ADAM19: variants seen among roughly 807,000 people sequenced by gnomAD.
ADAM19 encodes ADAM metallopeptidase domain 19.
ADAM19 carries 65 observed loss-of-function variants against 114.7 expected under a neutral mutation model. That is an observed-to-expected ratio of 0.57 (90% CI 0.46 to 0.70). ADAM19 has a LOEUF of 0.70. Ranked by LOEUF, ADAM19 falls within the 30% of genes least tolerant of loss-of-function variation. The probability of loss-of-function intolerance (pLI) is 0.00; values close to 1 mark genes in which losing one functional copy is unlikely to be tolerated. For missense variants in ADAM19, 1,063 were observed against 1,204.7 expected, an observed-to-expected ratio of 0.88 and a Z score of 1.74; for synonymous variants, 466 against 460.5, an observed-to-expected ratio of 1.01 and a Z score of -0.15.
rs909516529 is a variant in ADAM19 at position 157,480,291 on chromosome 5, C to A, written c.*658G>T. The A allele has an allele frequency of 1.0e-6, 1 of 985,862 alleles. No individual in the cohort carries two copies. Among genetic ancestry groups the A allele is most frequent in the African/African-American group, 1.7e-5 (1 of 57,252 alleles). The allele number at this position is 985,862 out of a possible 1,614,324, so 61.1% of individuals were successfully genotyped here. The stretch of plus-strand genomic sequence containing the variant: ...GGTGCTCCTCCTGCTGTCTACACTG[C>A]CTACGAATAGTACCTGTCTGAGTCA... On this transcript the variant is annotated 3_prime_UTR_variant, in exon 23 of 23. Coordinates refer to ENST00000257527, the MANE Select transcript of ADAM19 (RefSeq NM_033274.5).
intron 4 of ADAM19, among the ~76,000 whole-genome samples, chr5:157,531,245 G>C (rs1320597609): frequency 2.0e-5 from 3 of 152,166 alleles, no homozygotes; most frequent in Non-Finnish European, 4.4e-5. Context: ...GAAAGAACTT[G>C]CCTCCCCACC....
At chr5:157,542,005 T>A (rs1756931312) in intron 3 of ADAM19, among the ~76,000 whole-genome samples, 1 of 152,200 alleles carries the variant, frequency 6.6e-6, no homozygotes, top group South Asian at 2.1e-4. Flanking sequence ...TGCTGACACC[T>A]CCTTTCTCTG....
intron 21 of ADAM19, 104 bp from the exon 22 acceptor site, chr5:157,482,047 CT>C: frequency 1.1e-6 from 1 of 911,764 alleles, no homozygotes; most frequent in Non-Finnish European, 1.6e-6. Flanking sequence ...AAGTTATATA[CT>C]GTATGGTCCC....
At chr5:157,558,736 G>A (rs995754112) in intron 3 of ADAM19, among the ~76,000 whole-genome samples, 1 of 152,162 alleles carries the variant, frequency 6.6e-6, no homozygotes, top group Non-Finnish European at 1.5e-5. Context: ...GTTTTGCTTT[G>A]GGTCTGCTAC....
rs1754653598 is a variant in ADAM19 at position 157,478,305 on chromosome 5, A to G, written c.*2644T>C. On this transcript the variant is annotated 3_prime_UTR_variant, in exon 23 of 23. Transcript: ENST00000257527. ...CCCCTGGAGACAAAAAAAAAAAAAA[A>G]AAAAAAAAGGCTGGGCACAACGTCA... The G allele has an allele frequency of 6.8e-6, 1 of 146,720 alleles. No individual in the cohort carries two copies. Among genetic ancestry groups the G allele is most frequent in the Non-Finnish European group, 1.5e-5 (1 of 66,364 alleles). 9.1% of individuals were successfully genotyped at this position (146,720 alleles called of 1,614,324 possible).
At chr5:157,569,949 G>A (rs865931581) in intron 2 of ADAM19, among the ~76,000 whole-genome samples, 4 of 152,062 alleles carry the variant, frequency 2.6e-5, no homozygotes, top group Admixed American at 1.3e-4. Flanking sequence ...GCTCTTTCAC[G>A]TCTCACTTGC....
intron 9 of ADAM19, among the ~76,000 whole-genome samples, chr5:157,507,657 C>G (rs1414647092): frequency 6.6e-6 from 1 of 152,196 alleles, no homozygotes; most frequent in Non-Finnish European, 1.5e-5. Flanking sequence ...CCCACATACT[C>G]AGGGGCCAAG....
At chr5:157,491,593 G>A (rs372083563) in intron 18 of ADAM19, 22 bp downstream of exon 18, 2 of 1,451,244 alleles carry the variant, frequency 1.4e-6, no homozygotes, top group Non-Finnish European at 1.8e-6. Flanking sequence ...GCGGGCAGTG[G>A]CCCCAGCAGG....
At chr5:157,557,888 T>C (rs1427182359) in intron 3 of ADAM19, among the ~76,000 whole-genome samples, 1 of 152,162 alleles carries the variant, frequency 6.6e-6, no homozygotes, top group East Asian at 1.9e-4. Context: ...CATAAGAATT[T>C]GAAGGGAGAC....
Position 157,525,316 on chromosome 5 carries a change from T to G in ADAM19, c.408-5285A>C, listed in dbSNP as rs572431140. 2.6e-5 allele frequency among the ~76,000 whole-genome samples: 4 copies of G among 152,290 alleles called. No homozygotes were observed. In the East Asian group the frequency reaches 7.7e-4, roughly 29 times the overall value. On this transcript the variant is annotated intron_variant, in intron 5 of 22. Coordinates refer to ENST00000257527, the MANE Select transcript of ADAM19 (RefSeq NM_033274.5). Reference sequence around the variant, plus strand: ...CACTTCTTCTCCAGGGCTGGCTGTGTGTATATGAGCCACCTCCTTCTGCCC... The same window carrying G: ...CACTTCTTCTCCAGGGCTGGCTGTGGGTATATGAGCCACCTCCTTCTGCCC...
intron 2 of ADAM19, chr5:157,566,249 A>G (rs1323723730): frequency 1.3e-5 from 2 of 152,232 alleles, no homozygotes; most frequent in African/African-American, 4.8e-5. Flanking sequence ...AACTTTAAGT[A>G]GTTGTTAAAT....
At position 157,575,675 on chromosome 5, in the gene ADAM19, C is replaced by A; in HGVS notation, c.22G>T (p.Ala8Ser). 1.5e-6 allele frequency: 2 copies of A among 1,353,076 alleles called. No individual in the cohort carries two copies. The highest frequency in any genetic ancestry group is 1.9e-6 in the Non-Finnish European group (2 of 1,060,032). The allele number at this position is 1,353,076 out of a possible 1,614,324, so 83.8% of individuals were successfully genotyped here. A position where few individuals can be genotyped will look rare whatever the true frequency, so the allele number is the denominator to read the frequency against. Residue 8 changes from alanine to serine, a missense_variant, in exon 1 of 23, where the codon GCC (alanine) becomes TCC (serine). Coordinates refer to ENST00000257527, the MANE Select transcript of ADAM19 (RefSeq NM_033274.5). ...GCAAACGCCAGCAAGCAGAGCCGGG[C>A]GGCGCCTGCGCCCCCTGGCATGGTG... Reference protein sequence around the residue: MPGGAGAARLCLLAFALQ... With the variant: MPGGAGASRLCLLAFALQ...
intron 21 of ADAM19, among the ~76,000 whole-genome samples, chr5:157,484,386 A>C (rs1440363903): frequency 1.3e-5 from 2 of 152,158 alleles, no homozygotes; most frequent in African/African-American, 4.8e-5. Flanking sequence ...TAGGTGCTCA[A>C]CACGTATTAG....
rs535327200 is a variant in ADAM19 at position 157,486,496 on chromosome 5, G to C, written c.2550+1769C>G. Among the ~76,000 whole-genome samples the C allele has an allele frequency of 5.9e-5, 9 of 152,222 alleles. No homozygotes were observed. In the South Asian group the frequency reaches 1.9e-3, roughly 32 times the overall value. ...CCTGCCAGCAGTCCCAGGGGTGCAG[G>C]TGCAGGGTATGCACAGCCTCCACCA... On this transcript the variant is annotated intron_variant, in intron 21 of 22. Transcript: ENST00000257527.
rs945350516 is a variant in ADAM19 at position 157,488,266 on chromosome 5, T to C, written c.2549A>G (p.Gln850Arg). Residue 850 changes from glutamine to arginine, a missense_variant and splice_region_variant, in exon 21 of 23, where the codon CAG (glutamine) becomes CGG (arginine). By Grantham distance (43) the Gln-to-Arg change is conservative. This residue lies in a region of ADAM19 where 424 missense variants were observed against 445.5 expected (regional missense o/e 0.95). Transcript: ENST00000257527. ...CAAGGTTGCTGATTATCCACTTACC[T>C]GGGAAACGATGCAATTTGGTGCGGG... is the stretch of plus-strand genomic sequence containing the variant. ...IPPAPNCIVS[Q>R]DFSRPRPPQK... The C allele has an allele frequency of 1.2e-6, 2 of 1,611,948 alleles. No homozygotes were observed. Among genetic ancestry groups the C allele is most frequent in the South Asian group, 1.1e-5 (1 of 91,022 alleles).
intron 3 of ADAM19, among the ~76,000 whole-genome samples, chr5:157,563,356 G>C (rs1486311951): frequency 6.6e-6 from 1 of 152,138 alleles, no homozygotes; most frequent in Non-Finnish European, 1.5e-5. Flanking sequence ...ACCACACTCG[G>C]GACAGCACTC....
intron 14 of ADAM19, among the ~76,000 whole-genome samples, chr5:157,495,179 T>A (rs1042038261): frequency 9.2e-5 from 14 of 152,168 alleles, no homozygotes; most frequent in African/African-American, 2.9e-4. Flanking sequence ...TTATTTATTT[T>A]TTTTGTAGAA....
intron 4 of ADAM19, among the ~76,000 whole-genome samples, chr5:157,534,311 T>C (rs1756704097): frequency 6.6e-6 from 1 of 151,924 alleles, no homozygotes; most frequent in Non-Finnish European, 1.5e-5. Flanking sequence ...CTACTAAAAA[T>C]ACAAAAATTA....
chr5:157,525,160 AT>A (rs1156715463), intron 5 of ADAM19, among the ~76,000 whole-genome samples: 2 of 152,180 alleles, frequency 1.3e-5, no homozygotes, highest in Non-Finnish European at 1.5e-5. Context: ...TGGCTCCAGA[AT>A]CTAAATTCAT....
Sources: allele counts gnomAD v4.1 joint callset (sites outside exome capture counted in the v4.1 genomes callset), GRCh38; gene constraint gnomAD v4.1.1; regional missense constraint gnomAD v4.1.1; transcripts MANE v1.5; gene names NCBI Gene and HGNC (gene_info 2026-07-23, HGNC 2026-07-21).